CSMD1: variants seen among roughly 807,000 people sequenced by gnomAD.
The protein encoded by CSMD1 is CUB and sushi domain-containing protein 1.
Under a neutral mutation model 417.5 loss-of-function variants are expected in CSMD1, and 213 were observed. The observed-to-expected ratio is 0.51, with a 90% CI of 0.46 to 0.57. The LOEUF (loss-of-function observed/expected upper bound fraction) is 0.57. CSMD1 is among the 20% of genes least tolerant of loss of function. The pLI is 0.00. For synonymous variants in CSMD1, 2,862 were observed against 1,736.8 expected, an observed-to-expected ratio of 1.65 and a Z score of -16.11; for missense variants, 6,923 against 4,529.7, an observed-to-expected ratio of 1.53 and a Z score of -15.17.
At chr8:3,129,130 G>A (rs967704259) in intron 41 of CSMD1, among the ~76,000 whole-genome samples, 2 of 152,094 alleles carry the variant, frequency 1.3e-5, no homozygotes, top group Non-Finnish European at 2.9e-5. Context: ...CTGAAGTCAG[G>A]CCCACTTTGC....
chr8:4,983,911 C>T (rs1224790545), intron 1 of CSMD1, among the ~76,000 whole-genome samples: 1 of 151,916 alleles, frequency 6.6e-6, no homozygotes, highest in African/African-American at 2.4e-5. Flanking sequence ...AAGTTATGGT[C>T]GATGAGGTGG....
intron 3 of CSMD1, among the ~76,000 whole-genome samples, chr8:4,379,003 A>C (rs1323002208): frequency 6.6e-6 from 1 of 152,214 alleles, no homozygotes; most frequent in Non-Finnish European, 1.5e-5. Context: ...TGGATTAAGA[A>C]AGTAGCAAAG....
intron 3 of CSMD1, among the ~76,000 whole-genome samples, chr8:4,113,745 C>T (rs1345569179): frequency 6.6e-6 from 1 of 152,282 alleles, no homozygotes; most frequent in East Asian, 1.9e-4. Context: ...GAAAATGAAA[C>T]AGCCTTATTG....
intron 50 of CSMD1, among the ~76,000 whole-genome samples, chr8:3,047,652 T>C (rs1406786627): frequency 6.6e-6 from 1 of 152,216 alleles, no homozygotes; most frequent in Non-Finnish European, 1.5e-5. Context: ...CTCCCTTCCT[T>C]TACCCCCAAC....
chr8:4,300,606 C>T (rs1053626960), intron 3 of CSMD1, among the ~76,000 whole-genome samples: 1 of 152,126 alleles, frequency 6.6e-6, no homozygotes, highest in African/African-American at 2.4e-5. Flanking sequence ...CATATGTATA[C>T]ATGTGCCATG....
At chr8:4,553,489 A>C (rs995324446) in intron 2 of CSMD1, among the ~76,000 whole-genome samples, 10 of 151,848 alleles carry the variant, frequency 6.6e-5, no homozygotes, top group African/African-American at 2.4e-4. Flanking sequence ...TTATTCAAAA[A>C]TAAAGGAGGG....
rs1802807073 is a variant in CSMD1 at position 4,247,839 on chromosome 8, A to G, written c.415+172114T>C. 2.0e-5 allele frequency among the ~76,000 whole-genome samples: 3 copies of G among 152,202 alleles called. No homozygotes were observed. In the South Asian group the frequency reaches 6.2e-4, roughly 31 times the overall value. On this transcript the variant is annotated intron_variant, in intron 3 of 69. Transcript: ENST00000635120. ...TTAAGTTCACTTTGTGACATTATTA[A>G]TAAATTCTATCACATCGTTATAGAA...
chr8:3,504,559 A>T (rs1796744328), intron 10 of CSMD1, among the ~76,000 whole-genome samples: 1 of 152,224 alleles, frequency 6.6e-6, no homozygotes, highest in Non-Finnish European at 1.5e-5. Context: ...ACATTCTGCC[A>T]CCATTTGAAG....
chr8:3,601,466 C>T (rs764763150), intron 8 of CSMD1, among the ~76,000 whole-genome samples: 1 of 152,194 alleles, frequency 6.6e-6, no homozygotes, highest in Non-Finnish European at 1.5e-5. Context: ...TATCTCTAAT[C>T]TCATATCACG....
chr8:3,623,027 A>G (rs1796331224), intron 7 of CSMD1, among the ~76,000 whole-genome samples: 1 of 152,228 alleles, frequency 6.6e-6, no homozygotes, highest in Non-Finnish European at 1.5e-5. Flanking sequence ...TGTAAGTCAA[A>G]ACCCTGTAGT....
At chr8:4,369,090 A>C (rs549844035) in intron 3 of CSMD1, among the ~76,000 whole-genome samples, 1 of 152,198 alleles carries the variant, frequency 6.6e-6, no homozygotes, top group East Asian at 1.9e-4. Context: ...TTAAGTGCTA[A>C]AAACTTTCCT....
At chr8:3,474,496 C>G (rs1817295782) in intron 11 of CSMD1, among the ~76,000 whole-genome samples, 1 of 152,096 alleles carries the variant, frequency 6.6e-6, no homozygotes, top group Non-Finnish European at 1.5e-5. Flanking sequence ...AAACAGTAAT[C>G]TTTCTTGTCT....
intron 3 of CSMD1, among the ~76,000 whole-genome samples, chr8:4,417,830 T>C (rs1041608679): frequency 2.6e-5 from 4 of 152,064 alleles, no homozygotes; most frequent in Admixed American, 6.6e-5. Flanking sequence ...TTGCTTATTT[T>C]ATGCACTCTT....
chr8:3,773,056 G>A (rs1343644238), intron 5 of CSMD1, among the ~76,000 whole-genome samples: 1 of 152,150 alleles, frequency 6.6e-6, no homozygotes, highest in Admixed American at 6.5e-5. Flanking sequence ...GAAGAAGGGA[G>A]CTCTCTGGGG....
chr8:3,409,722 TAA>T (rs1393134252), intron 12 of CSMD1, 117 bp from the exon 13 acceptor site: 6 of 750,354 alleles, frequency 8.0e-6, no homozygotes, highest in African/African-American at 1.8e-5. Context: ...ATCATTTTTG[TAA>T]AGTGTTTCTA....
chr8:4,440,380 G>T (rs186953), intron 2 of CSMD1, among the ~76,000 whole-genome samples: 1 of 152,180 alleles, frequency 6.6e-6, no homozygotes, highest in South Asian at 2.1e-4. Flanking sequence ...CAATGAATAA[G>T]GAGTCAGAGG....
chr8:4,897,473 T>C (rs568363320), intron 1 of CSMD1, among the ~76,000 whole-genome samples: 3 of 151,862 alleles, frequency 2.0e-5, no homozygotes, highest in South Asian at 4.2e-4. Context: ...CTTTAAGGAG[T>C]GGTTTGGGTT....
At chr8:3,545,478 T>A (rs1243924632) in intron 10 of CSMD1, among the ~76,000 whole-genome samples, 1 of 152,220 alleles carries the variant, frequency 6.6e-6, no homozygotes, top group Non-Finnish European at 1.5e-5. Context: ...GGCCTAGGTC[T>A]ACAGACAATT....
At chr8:3,620,198 C>T (rs1032330490) in intron 7 of CSMD1, among the ~76,000 whole-genome samples, 1 of 152,050 alleles carries the variant, frequency 6.6e-6, no homozygotes, top group Non-Finnish European at 1.5e-5. Context: ...GGAAAACCAT[C>T]CTTCAAAAAT....
Sources: allele counts gnomAD v4.1 joint callset (sites outside exome capture counted in the v4.1 genomes callset), GRCh38; gene constraint gnomAD v4.1.1; transcripts MANE v1.5; gene names NCBI Gene and HGNC (gene_info 2026-07-23, HGNC 2026-07-21).